Variants in PCDH15 observed in about 807,000 individuals in gnomAD.
PCDH15 encodes the protein protocadherin-15.
Under a neutral mutation model 178.5 loss-of-function variants are expected in PCDH15, and 129 were observed. The ratio of observed to expected loss-of-function variants is 0.72; its 90% CI spans 0.63 to 0.84. The LOEUF is 0.84. Ranked by LOEUF, PCDH15 falls within the 40% of genes least tolerant of loss-of-function variation. The pLI, the probability that PCDH15 is intolerant of heterozygous loss-of-function variation, is 0.00. For missense variants in PCDH15, 2,230 were observed against 2,099.9 expected, an observed-to-expected ratio of 1.06 and a Z score of -1.21; for synonymous variants, 800 against 732.0, an observed-to-expected ratio of 1.09 and a Z score of -1.50.
intron 15 of PCDH15, among the ~76,000 whole-genome samples, chr10:54,129,317 T>C (rs1358299310): frequency 1.3e-5 from 2 of 152,206 alleles, no homozygotes; most frequent in African/African-American, 4.8e-5. Context: ...AAAGTAATAA[T>C]TTGAATTAAG....
At chr10:55,220,655 CTAAACTTAGAAAAGA>C (rs1840847531) in intron 1 of PCDH15, among the ~76,000 whole-genome samples, 1 of 151,962 alleles carries the variant, frequency 6.6e-6, no homozygotes. Flanking sequence ...ACGTACGTAT[CTAAACTTAGAAAAGA>C]TACAGTGAAA....
intron 1 of PCDH15, among the ~76,000 whole-genome samples, chr10:54,684,556 C>A (rs1305538240): frequency 6.6e-6 from 1 of 151,832 alleles, no homozygotes; most frequent in South Asian, 2.1e-4. Flanking sequence ...AAAAATAATT[C>A]TGTGTTTTTT....
intron 2 of PCDH15, among the ~76,000 whole-genome samples, chr10:55,606,067 T>C (rs1428876833): frequency 1.1e-5 from 1 of 87,248 alleles, no homozygotes; most frequent in East Asian, 3.0e-4. Context: ...ACAAAATCAA[T>C]GTACAAAAAT....
Position 53,831,304 on chromosome 10 carries a change from T to A in PCDH15, c.4202+11A>T, listed in dbSNP as rs926110086. 6.2e-7 allele frequency: 1 copy of A among 1,613,164 alleles called. No individual in the cohort carries two copies. The highest frequency in any genetic ancestry group is 8.5e-7 in the Non-Finnish European group (1 of 1,179,216). Reference sequence around the variant, plus strand: ...AGGAACTATCCAGGTTTACCATCCTTGAATACTTACTGTCTGTAGCTGACC... The same window carrying A: ...AGGAACTATCCAGGTTTACCATCCTAGAATACTTACTGTCTGTAGCTGACC... On this transcript the variant is annotated intron_variant, in intron 30 of 37. Transcript: ENST00000644397.
intron 18 of PCDH15, among the ~76,000 whole-genome samples, chr10:54,031,282 A>T (rs1317710137): frequency 6.6e-6 from 1 of 151,844 alleles, no homozygotes; most frequent in East Asian, 1.9e-4. Flanking sequence ...TCCAACTTAA[A>T]CGTTCAAAAC....
chr10:54,540,215 G>C (rs1280749129), intron 2 of PCDH15, among the ~76,000 whole-genome samples: 1 of 152,020 alleles, frequency 6.6e-6, no homozygotes, highest in Admixed American at 6.6e-5. Flanking sequence ...ACCAAAAGTT[G>C]GTTGTTTGAA....
At chr10:54,512,968 A>C (rs552961227) in intron 3 of PCDH15, among the ~76,000 whole-genome samples, 11 of 152,210 alleles carry the variant, frequency 7.2e-5, no homozygotes, top group African/African-American at 2.6e-4. Flanking sequence ...ATTAAATCAT[A>C]CCACATGACA....
chr10:54,604,104 T>G (rs1311997463), intron 2 of PCDH15, among the ~76,000 whole-genome samples: 1 of 152,008 alleles, frequency 6.6e-6, no homozygotes, highest in Non-Finnish European at 1.5e-5. Flanking sequence ...TTCTTTACCA[T>G]TAACTGATTT....
intron 2 of PCDH15, among the ~76,000 whole-genome samples, chr10:54,589,402 T>C (rs986954758): frequency 6.6e-6 from 1 of 152,228 alleles, no homozygotes. Flanking sequence ...TAGCTGATAA[T>C]CTGTATTTAA....
rs546864402 is a variant in PCDH15, at chr10:55,259,887, A to G, written c.-156+59712T>C. 2.2e-3 allele frequency among the ~76,000 whole-genome samples: 246 copies of G among 110,272 alleles called. 2 individuals are homozygous for G. Among genetic ancestry groups the G allele is most frequent in the Non-Finnish European group, 3.3e-3 (194 of 58,580 alleles). The allele number at this position is 110,272 out of a possible 152,430, so 72.3% of individuals were successfully genotyped here. ...ATTGCACTCCAGCCTGGGCAACAAG[A>G]GCAAAACTCCGTCTCAAAAAAAAAA... On this transcript the variant is annotated intron_variant, in intron 1 of 5. Coordinates refer to the PCDH15 transcript ENST00000458638.
At chr10:54,665,929 G>A (rs1250390205) in intron 1 of PCDH15, among the ~76,000 whole-genome samples, 1 of 152,018 alleles carries the variant, frequency 6.6e-6, no homozygotes, top group African/African-American at 2.4e-5. Context: ...TACTGGTTGT[G>A]TAGAGCAGCG....
chr10:54,134,999 T>C (rs1157367356), intron 14 of PCDH15, among the ~76,000 whole-genome samples: 2 of 150,138 alleles, frequency 1.3e-5, no homozygotes, highest in Non-Finnish European at 3.0e-5. Flanking sequence ...AGGTCAGGAG[T>C]TCAAGACCAG....
At chr10:54,381,811 A>T (rs1376256296) in intron 3 of PCDH15, among the ~76,000 whole-genome samples, 2 of 152,110 alleles carry the variant, frequency 1.3e-5, no homozygotes, top group Non-Finnish European at 2.9e-5. Context: ...AAATGGAATT[A>T]AATTTAGTTT....
chr10:55,163,537 C>T (rs1039150239), intron 2 of PCDH15, among the ~76,000 whole-genome samples: 23 of 152,056 alleles, frequency 1.5e-4, no homozygotes, highest in Non-Finnish European at 3.2e-4. Context: ...GAGATTAGAC[C>T]TTCTCAGTCA....
intron 17 of PCDH15, among the ~76,000 whole-genome samples, chr10:54,074,658 G>T (rs918062937): frequency 6.6e-6 from 1 of 152,220 alleles, no homozygotes; most frequent in Non-Finnish European, 1.5e-5. Flanking sequence ...CTATGAACAT[G>T]GGAATACAAA....
chr10:54,172,729 G>A lies in PCDH15; in HGVS notation c.1590+10715C>T, dbSNP rs185137619. 3.3e-5 allele frequency among the ~76,000 whole-genome samples: 5 copies of A among 152,032 alleles called. No homozygotes were observed. The East Asian group carries it at 7.8e-4, about 24-fold the overall frequency. On this transcript the variant is annotated intron_variant, in intron 13 of 37. Transcript: ENST00000644397. ...AATATATAGAACCATAAGTATGAGC[G>A]TGAATATAGTCAAAATTAAAAATAC...
At chr10:55,507,140 A>G (rs1415787358) in intron 2 of PCDH15, among the ~76,000 whole-genome samples, 1 of 151,662 alleles carries the variant, frequency 6.6e-6, no homozygotes, top group East Asian at 1.9e-4. Context: ...TTTATAAAAA[A>G]AATCTCACTC....
chr10:55,156,783 A>C (rs2680318), intron 2 of PCDH15, among the ~76,000 whole-genome samples: 1 of 151,954 alleles, frequency 6.6e-6, no homozygotes, highest in South Asian at 2.1e-4. Flanking sequence ...ACAATCATCT[A>C]TTGGTTCAGA....
intron 2 of PCDH15, among the ~76,000 whole-genome samples, chr10:54,572,050 T>A (rs930689942): frequency 1.3e-4 from 20 of 152,166 alleles, no homozygotes; most frequent in Admixed American, 3.3e-4. Context: ...TGTTTCTTCA[T>A]CAATAACTGG....
Sources: allele counts gnomAD v4.1 joint callset (sites outside exome capture counted in the v4.1 genomes callset), GRCh38; gene constraint gnomAD v4.1.1; transcripts MANE v1.5; gene names NCBI Gene and HGNC (gene_info 2026-07-23, HGNC 2026-07-21).